The following NRG3 variants were observed in gnomAD, a reference collection of about 807,000 sequenced individuals.
The protein encoded by NRG3 is pro-neuregulin-3, membrane-bound isoform.
In NRG3, 31 loss-of-function variants were observed where a neutral mutation model predicts 66.9. That is an observed-to-expected ratio of 0.46 (90% CI 0.35 to 0.63). The LOEUF (loss-of-function observed/expected upper bound fraction) is 0.63, where lower values mean the gene tolerates loss of function less well. NRG3 is among the 20% of genes least tolerant of loss of function. The probability of loss-of-function intolerance (pLI) is 0.00; values close to 1 mark genes in which losing one functional copy is unlikely to be tolerated. For synonymous variants in NRG3, 393 were observed against 359.4 expected, an observed-to-expected ratio of 1.09 and a Z score of -1.06; for missense variants, 910 against 878.9, an observed-to-expected ratio of 1.04 and a Z score of -0.45.
intron 2 of NRG3, among the ~76,000 whole-genome samples, chr10:82,616,941 A>G (rs1391099338): frequency 3.3e-5 from 5 of 152,162 alleles, no homozygotes; most frequent in African/African-American, 4.8e-5. Flanking sequence ...TTGTATATGG[A>G]AAAAAGGAAA....
chr10:82,169,622 C>G (rs2072398466), intron 1 of NRG3, among the ~76,000 whole-genome samples: 1 of 151,284 alleles, frequency 6.6e-6, no homozygotes, highest in African/African-American at 2.4e-5. Context: ...TTGATTTGTA[C>G]TCTTCCTTAA....
intron 2 of NRG3, among the ~76,000 whole-genome samples, chr10:82,700,255 T>G (rs530891386): frequency 6.6e-6 from 1 of 152,196 alleles, no homozygotes; most frequent in African/African-American, 2.4e-5. Flanking sequence ...AAAACCAGCT[T>G]GAAAATAATG....
At chr10:82,729,942 C>A (rs1268742832) in intron 2 of NRG3, among the ~76,000 whole-genome samples, 2 of 152,060 alleles carry the variant, frequency 1.3e-5, no homozygotes, top group Non-Finnish European at 2.9e-5. Flanking sequence ...GTGATGCATG[C>A]AGCACAACAC....
intron 2 of NRG3, among the ~76,000 whole-genome samples, chr10:82,524,330 A>G (rs1029403656): frequency 6.6e-6 from 1 of 152,026 alleles, no homozygotes; most frequent in Non-Finnish European, 1.5e-5. Flanking sequence ...AGGGTAATTT[A>G]TGTAAAAATA....
intron 1 of NRG3, among the ~76,000 whole-genome samples, chr10:81,966,992 A>G (rs1347255023): frequency 6.6e-6 from 1 of 152,004 alleles, no homozygotes; most frequent in Non-Finnish European, 1.5e-5. Flanking sequence ...TAGGTTATGA[A>G]ATTAATTGAG....
chr10:82,743,710 G>A (rs1174912113), intron 3 of NRG3, among the ~76,000 whole-genome samples: 2 of 151,824 alleles, frequency 1.3e-5, no homozygotes, highest in Non-Finnish European at 1.5e-5. Context: ...GTGTCACAGT[G>A]AAGGAAAAAA....
At chr10:81,964,819 C>G (rs1281569223) in intron 1 of NRG3, among the ~76,000 whole-genome samples, 4 of 151,996 alleles carry the variant, frequency 2.6e-5, no homozygotes, top group Non-Finnish European at 5.9e-5. Flanking sequence ...TTTCCATTTC[C>G]ATGTTCATTA....
intron 1 of NRG3, among the ~76,000 whole-genome samples, chr10:82,121,702 GATGAA>G (rs1254330577): frequency 2.6e-5 from 4 of 152,098 alleles, no homozygotes; most frequent in Non-Finnish European, 5.9e-5. Flanking sequence ...GGAGTGCAGT[GATGAA>G]ATCATAGCTC....
At chr10:82,490,780 A>G (rs1040839180) in intron 2 of NRG3, among the ~76,000 whole-genome samples, 4 of 152,144 alleles carry the variant, frequency 2.6e-5, no homozygotes, top group Non-Finnish European at 5.9e-5. Flanking sequence ...CATCTCAAGA[A>G]TCTGCATCTT....
intron 2 of NRG3, among the ~76,000 whole-genome samples, chr10:82,493,154 G>A (rs1843306347): frequency 6.6e-6 from 1 of 151,872 alleles, no homozygotes; most frequent in African/African-American, 2.4e-5. Flanking sequence ...TGAGGTACAT[G>A]TCTAGGATGT....
intron 1 of NRG3, among the ~76,000 whole-genome samples, chr10:82,248,591 A>T (rs1425624785): frequency 1.3e-5 from 2 of 152,150 alleles, no homozygotes; most frequent in African/African-American, 4.8e-5. Context: ...TTTTTGGATG[A>T]ATGGGAGGGG....
Position 81,884,181 on chromosome 10 carries a change from C to G in NRG3, c.823+8018C>G, listed in dbSNP as rs868524288. On this transcript the variant is annotated intron_variant, in intron 1 of 8. Transcript: ENST00000372141. ...TCTCTCCCCACCTCAGTCTTACTTA[C>G]CTAATTCACTGTTATAGTGTCACTA... is the stretch of plus-strand genomic sequence containing the variant. Among the ~76,000 whole-genome samples the G allele has an allele frequency of 3.3e-5, 5 of 152,300 alleles. No homozygotes were observed. In the Middle Eastern group the frequency reaches 0.014, roughly 414 times the overall value.
chr10:82,982,543 G>A (rs1053912988), intron 8 of NRG3, among the ~76,000 whole-genome samples: 7 of 152,118 alleles, frequency 4.6e-5, no homozygotes, highest in African/African-American at 1.7e-4. Context: ...CCAGTGGTGA[G>A]ACACTCACAT....
At chr10:82,106,107 C>T (rs2067044909) in intron 1 of NRG3, among the ~76,000 whole-genome samples, 1 of 152,210 alleles carries the variant, frequency 6.6e-6, no homozygotes, top group Non-Finnish European at 1.5e-5. Context: ...GAGTCCAAGG[C>T]TGACATAGAC....
chr10:82,932,198 T>G (rs1361647820), intron 4 of NRG3, among the ~76,000 whole-genome samples: 1 of 152,166 alleles, frequency 6.6e-6, no homozygotes. Flanking sequence ...GGCGGCTGTT[T>G]GAAATTTAGG....
At chr10:82,498,319 T>C (rs60960842) in intron 2 of NRG3, among the ~76,000 whole-genome samples, 2,741 of 152,276 alleles carry the variant, frequency 0.018, 80 homozygotes, top group African/African-American at 0.063. Context: ...TGTACATCAC[T>C]AATTAGAATT....
rs1176178344 is a variant in NRG3, at chr10:82,040,406, TATATATGTA to T, written c.823+164248_823+164256del. Reference sequence around the variant, plus strand: ...ATATACATATATGTTATATATACAATATATATGTAATATGTAATCTTTCATAATATCTTT... The same window carrying T: ...ATATACATATATGTTATATATACAATATATGTAATCTTTCATAATATCTTT... On this transcript the variant is annotated intron_variant, in intron 1 of 8. Transcript: ENST00000372141. 5.8e-5 allele frequency among the ~76,000 whole-genome samples: 5 copies of T among 85,826 alleles called. No individual in the cohort carries two copies. In the South Asian group the frequency reaches 3.7e-3, roughly 63 times the overall value. The allele number at this position is 85,826 out of a possible 152,430, so 56.3% of individuals were successfully genotyped here. A position where few individuals can be genotyped will look rare whatever the true frequency, so the allele number is the denominator to read the frequency against.
intron 1 of NRG3, among the ~76,000 whole-genome samples, chr10:82,186,981 A>G (rs1327122050): frequency 6.6e-6 from 1 of 152,184 alleles, no homozygotes; most frequent in African/African-American, 2.4e-5. Context: ...CATCAAAGCT[A>G]TCTTACCTGA....
chr10:81,900,773 C>G (rs1445730394), intron 1 of NRG3, among the ~76,000 whole-genome samples: 1 of 152,076 alleles, frequency 6.6e-6, no homozygotes, highest in Admixed American at 6.6e-5. Flanking sequence ...GGAGAAAGTG[C>G]TGTGTAAACA....
Sources: gnomAD v4.1 joint callset for allele counts (sites outside exome capture counted in the v4.1 genomes callset) on GRCh38, gnomAD v4.1.1 for gene constraint, MANE v1.5 for transcripts, NCBI Gene and HGNC (gene_info 2026-07-23, HGNC 2026-07-21) for gene names.